The following SF3B1 variants were observed in gnomAD, a reference collection of about 807,000 sequenced individuals.
The protein encoded by SF3B1 is pre-mRNA processing 10.
A neutral mutation model predicts 153.8 loss-of-function variants in SF3B1; 12 were observed. The observed-to-expected ratio is 0.08, with a 90% CI of 0.05 to 0.13. SF3B1 has a LOEUF of 0.13. Ranked by LOEUF, SF3B1 falls within the 10% of genes least tolerant of loss-of-function variation. The probability of loss-of-function intolerance (pLI) is 1.00; values close to 1 mark genes in which losing one functional copy is unlikely to be tolerated. For missense variants in SF3B1, 513 were observed against 1,606.1 expected (o/e 0.32, Z 11.63); for synonymous variants, 498 against 525.2 (o/e 0.95, Z 0.71).
In SF3B1 at chr2:197,400,878, C is replaced by G. The variant is rs757443669; in HGVS notation, c.2555G>C (p.Arg852Thr). The change falls in exon 18 of 25, where the codon AGG (arginine) becomes ACG (threonine). Residue 852 changes from arginine to threonine, a missense_variant. Physicochemically the swap from Arg to Thr is moderately conservative, Grantham distance 71. Transcript: ENST00000335508. The surrounding 1 kb of genome is among the most constrained non-coding windows in gnomAD (Gnocchi z 5.0). ...NKVGAAEIIS[R>T]IVDDLKDEAE... ...TTCATCTTTCAGATCATCCACAATC[C>G]TGGATATAATTTCTGCTGCACCTAC... 6.2e-7 allele frequency: 1 copy of G among 1,613,642 alleles called. No homozygotes were observed. Among genetic ancestry groups the G allele is most frequent in the South Asian group, 1.1e-5 (1 of 91,076 alleles).
At chr2:197,409,719 A>G in intron 7 of SF3B1, 51 bp downstream of exon 7, 1 of 1,381,472 alleles carries the variant, frequency 7.2e-7, no homozygotes, top group African/African-American at 1.4e-5. Flanking sequence ...TTCAGTCTGT[A>G]AACATATCAC....
In SF3B1 at chr2:197,402,499, G is replaced by GT; in HGVS notation, c.2077+56dup. On this transcript the variant is annotated intron_variant, in intron 14 of 24. Transcript: ENST00000335508. The surrounding 1 kb of genome is among the most constrained non-coding windows in gnomAD (Gnocchi z 4.6). ...GTTTGAGTCCAGTCTGGGCAACATA[G>GT]TAAGACCCTGTCTCCTAAAGAAAAA... The GT allele has an allele frequency of 6.7e-7, 1 of 1,499,052 alleles. No homozygotes were observed. Among genetic ancestry groups the GT allele is most frequent in the African/African-American group, 1.4e-5 (1 of 70,936 alleles). The allele number at this position is 1,499,052 out of a possible 1,614,324, so 92.9% of individuals were successfully genotyped here. A position where few individuals can be genotyped will look rare whatever the true frequency, so the allele number is the denominator to read the frequency against.
At chr2:197,396,400 A>G in intron 22 of SF3B1, 72 bp from the exon 23 acceptor site, 1 of 1,318,406 alleles carries the variant, frequency 7.6e-7, no homozygotes, top group Non-Finnish European at 1.0e-6. Context: ...AAAATGCATA[A>G]AGATGAAAAC....
rs762797345 is a variant in SF3B1, at chr2:197,390,523, T to G, written c.*1780A>C. The G allele has an allele frequency of 5.3e-5, 8 of 152,166 alleles. No individual in the cohort carries two copies. Among genetic ancestry groups the G allele is most frequent in the Non-Finnish European group, 8.8e-5 (6 of 68,026 alleles). 9.4% of individuals were successfully genotyped at this position (152,166 alleles called of 1,614,324 possible). On this transcript the variant is annotated 3_prime_UTR_variant, in exon 25 of 25. Transcript: ENST00000335508. ...AATTTTACTACATAGTGACATATATTCAGAAAGTTGTCATACAAGGAATGA... is the reference window on the plus strand; with the variant it reads ...AATTTTACTACATAGTGACATATATGCAGAAAGTTGTCATACAAGGAATGA...
intron 6 of SF3B1, among the ~76,000 whole-genome samples, chr2:197,413,589 G>T (rs1559271334): frequency 6.6e-6 from 1 of 151,964 alleles, no homozygotes; most frequent in East Asian, 1.9e-4. Flanking sequence ...GATCTGATAG[G>T]TTTTTTCTTG....
In SF3B1 at chr2:197,427,427, C is replaced by T. The variant is rs551351971; in HGVS notation, c.29-3453G>A. Among the ~76,000 whole-genome samples, 29 of 152,268 alleles carry T rather than the reference C, an allele frequency of 1.9e-4. No individual in the cohort carries two copies. The South Asian group carries it at 3.5e-3, about 18-fold the overall frequency. ...CACCATGTGATCCATAAAATTAAGCCGTCAGATTCCATAAAACTCAGCAGC... is the reference window on the plus strand; with the variant it reads ...CACCATGTGATCCATAAAATTAAGCTGTCAGATTCCATAAAACTCAGCAGC... On this transcript the variant is annotated intron_variant, in intron 1 of 24. Coordinates refer to ENST00000335508, the MANE Select transcript of SF3B1 (RefSeq NM_012433.4).
At chr2:197,424,575 A>G (rs912741739) in intron 1 of SF3B1, among the ~76,000 whole-genome samples, 1 of 152,086 alleles carries the variant, frequency 6.6e-6, no homozygotes, top group African/African-American at 2.4e-5. Flanking sequence ...TGCCCTAGTA[A>G]CAGCTTCTAT....
chr2:197,403,548 C>CT (rs1281973223), intron 12 of SF3B1, 37 bp downstream of exon 12: 1 of 1,413,418 alleles, frequency 7.1e-7, no homozygotes, highest in Non-Finnish European at 9.5e-7. Context: ...AAAGTTAAAA[C>CT]TTTAAACTAT....
At chr2:197,407,676 G>T (rs1346991700) in intron 9 of SF3B1, among the ~76,000 whole-genome samples, 3 of 151,596 alleles carry the variant, frequency 2.0e-5, no homozygotes, top group African/African-American at 4.8e-5. Flanking sequence ...TAAAATCTTG[G>T]TGAAGCACCA....
chr2:197,418,442 A>C (rs1574545936), intron 5 of SF3B1, 67 bp downstream of exon 5: 3 of 1,181,940 alleles, frequency 2.5e-6, no homozygotes, highest in Non-Finnish European at 3.6e-6. Context: ...GAAACCTAAC[A>C]GTCTCTCAAT....
chr2:197,426,158 C>T (rs1214235638), intron 1 of SF3B1, among the ~76,000 whole-genome samples: 9 of 151,850 alleles, frequency 5.9e-5, no homozygotes, highest in Admixed American at 5.3e-4. Flanking sequence ...TTATAGCAGC[C>T]CAGGCAGCCA....
chr2:197,411,345 G>A (rs190548550), intron 6 of SF3B1, among the ~76,000 whole-genome samples: 34 of 152,298 alleles, frequency 2.2e-4, no homozygotes, highest in African/African-American at 8.2e-4. Flanking sequence ...GTATTCCACA[G>A]GATGTGTAAT....
intron 6 of SF3B1, among the ~76,000 whole-genome samples, chr2:197,411,016 C>A (rs191769957): frequency 2.0e-5 from 3 of 152,308 alleles, no homozygotes; most frequent in East Asian, 3.9e-4. Context: ...CGGCTCACTG[C>A]AGTCTCCACC....
chr2:197,399,310 G>A (rs983061446), intron 20 of SF3B1, among the ~76,000 whole-genome samples: 3 of 152,052 alleles, frequency 2.0e-5, no homozygotes, highest in Admixed American at 6.6e-5. Context: ...TACAAAATGA[G>A]GAAAAACAAA....
chr2:197,414,935 T>C (rs1204435876), intron 6 of SF3B1, among the ~76,000 whole-genome samples: 1 of 151,616 alleles, frequency 6.6e-6, no homozygotes, highest in Non-Finnish European at 1.5e-5. Context: ...GCCCAGGAGG[T>C]GGAGGCTGCA....
At chr2:197,398,186 C>T (rs2084897831) in intron 21 of SF3B1, 70 bp from the exon 22 acceptor site, 4 of 1,279,850 alleles carry the variant, frequency 3.1e-6, no homozygotes, top group Non-Finnish European at 2.2e-6. Context: ...TTTGCAAATT[C>T]AGTTCTAAAA....
Position 197,392,958 on chromosome 2 carries a change from A to G in SF3B1, c.3756+14T>C. 2 of 1,509,102 alleles carry G rather than the reference A, an allele frequency of 1.3e-6. No homozygotes were observed. Among genetic ancestry groups the G allele is most frequent in the Non-Finnish European group, 1.8e-6 (2 of 1,105,344 alleles). 93.5% of individuals were successfully genotyped at this position (1,509,102 alleles called of 1,614,324 possible). Reference sequence around the variant, plus strand: ...AAAAAAAATCACCGATTAAAAAAAAAATCTTTAACTTACCTGTAAACAATA... The same window carrying G: ...AAAAAAAATCACCGATTAAAAAAAAGATCTTTAACTTACCTGTAAACAATA... On this transcript the variant is annotated intron_variant, in intron 24 of 24. Coordinates refer to ENST00000335508, the MANE Select transcript of SF3B1 (RefSeq NM_012433.4).
rs1337047400 is a variant in SF3B1, at chr2:197,401,359, G to C, written c.2496+41C>G. 1.9e-6 allele frequency: 3 copies of C among 1,558,202 alleles called. No homozygotes were observed. The Admixed American group carries it at 6.6e-5, about 34-fold the overall frequency. On this transcript the variant is annotated intron_variant, in intron 17 of 24. Transcript: ENST00000335508. The surrounding 1 kb of genome is among the most constrained non-coding windows in gnomAD (Gnocchi z 4.2). ...ATTCAAGTTGACTAAAGAATGAGTT[G>C]AAAGGACTTTTGAGAATATTCTTTT...
intron 1 of SF3B1, among the ~76,000 whole-genome samples, chr2:197,433,027 C>T (rs2085465818): frequency 2.0e-5 from 3 of 152,278 alleles, no homozygotes; most frequent in Admixed American, 6.5e-5. Flanking sequence ...AGTACTATAG[C>T]AGCACTGCCC....
Sources: gnomAD v4.1 joint callset for allele counts (sites outside exome capture counted in the v4.1 genomes callset) on GRCh38, gnomAD v4.1.1 for gene constraint, Gnocchi (gnomAD v3.1) non-coding constraint, MANE v1.5 for transcripts, NCBI Gene and HGNC (gene_info 2026-07-23, HGNC 2026-07-21) for gene names.